Variants in SLIT2 observed in about 807,000 individuals in gnomAD.
The protein encoded by SLIT2 is slit guidance ligand 2.
Under a neutral mutation model 185.7 loss-of-function variants are expected in SLIT2, and 41 were observed. The ratio of observed to expected loss-of-function variants is 0.22; its 90% CI spans 0.17 to 0.29. The LOEUF (loss-of-function observed/expected upper bound fraction) is 0.29, where lower values mean the gene tolerates loss of function less well. Among genes scored for constraint, SLIT2 ranks in the 10% least tolerant of loss-of-function variants. The pLI, the probability that SLIT2 is intolerant of heterozygous loss-of-function variation, is 1.00. For missense variants in SLIT2, 1,571 were observed against 1,909.0 expected (o/e 0.82, Z 3.30); for synonymous variants, 693 against 680.2 (o/e 1.02, Z -0.29).
Position 20,315,061 on chromosome 4 carries a change from G to T in SLIT2, c.395+46180G>T, listed in dbSNP as rs371962721. 1.3e-3 allele frequency among the ~76,000 whole-genome samples: 190 copies of T among 151,746 alleles called. 2 individuals carry two copies. The highest frequency in any genetic ancestry group is 4.5e-3 in the African/African-American group (186 of 41,422). On this transcript the variant is annotated intron_variant, in intron 4 of 36. Transcript: ENST00000504154. Reference sequence around the variant, plus strand: ...TTATAAACATGTGATCATACCCAAGGTTCTGCATTTTTAGTCATCTATCTT... The same window carrying T: ...TTATAAACATGTGATCATACCCAAGTTTCTGCATTTTTAGTCATCTATCTT...
At chr4:20,443,280 C>A (rs936348745) in intron 4 of SLIT2, among the ~76,000 whole-genome samples, 1 of 152,116 alleles carries the variant, frequency 6.6e-6, no homozygotes, top group Admixed American at 6.5e-5. Context: ...TGTGTGCAGA[C>A]ACAAGCAGAC....
At chr4:20,550,090 T>G (rs943742399) in intron 24 of SLIT2, among the ~76,000 whole-genome samples, 1 of 152,126 alleles carries the variant, frequency 6.6e-6, no homozygotes, top group African/African-American at 2.4e-5. Context: ...CACCAACTAT[T>G]TAAGAGTACC....
In SLIT2 at chr4:20,598,318, T is replaced by C. The variant is rs1560228064; in HGVS notation, c.3615T>C (p.His1205=). 1.2e-6 allele frequency: 2 copies of C among 1,614,090 alleles called. No individual in the cohort carries two copies. The highest frequency in any genetic ancestry group is 1.7e-6 in the Non-Finnish European group (2 of 1,179,968). ...GILLYKGDKD[H]IAVELYRGRV... ...TCCTGTATAAGGGTGACAAAGACCA[T>C]ATCGCGGTAGAACTCTATCGGGGGC... The change falls in exon 33 of 37, where the codon CAT becomes CAC. Residue 1205 remains histidine, a synonymous_variant. Transcript: ENST00000504154.
chr4:20,543,219 C>G (rs1333620865), intron 21 of SLIT2, among the ~76,000 whole-genome samples: 6 of 151,990 alleles, frequency 3.9e-5, no homozygotes, highest in Non-Finnish European at 7.4e-5. Context: ...CCTTTAGATC[C>G]TAAAGGGTAT....
intron 25 of SLIT2, among the ~76,000 whole-genome samples, chr4:20,551,860 A>G (rs1723783675): frequency 1.3e-5 from 2 of 152,182 alleles, no homozygotes; most frequent in African/African-American, 4.8e-5. Context: ...AAAATTTGCC[A>G]CCCAAAAGTC....
intron 4 of SLIT2, among the ~76,000 whole-genome samples, chr4:20,455,442 A>C (rs1333794053): frequency 6.6e-6 from 1 of 152,186 alleles, no homozygotes; most frequent in Non-Finnish European, 1.5e-5. Flanking sequence ...TATTAGACCA[A>C]ATACAAAAGA....
At chr4:20,284,251 T>C (rs1267526062) in intron 4 of SLIT2, among the ~76,000 whole-genome samples, 1 of 152,222 alleles carries the variant, frequency 6.6e-6, no homozygotes, top group Admixed American at 6.5e-5. Flanking sequence ...CTTTTTAACA[T>C]AATGAATCCA....
intron 11 of SLIT2, among the ~76,000 whole-genome samples, chr4:20,518,588 T>TATATATATATATATATATA (rs1475880730): frequency 7.9e-4 from 6 of 7,604 alleles, no homozygotes; most frequent in Non-Finnish European, 1.1e-3. Flanking sequence ...TATATATATA[T>TATATATATATATATATATA]TTTTTTTTTT....
chr4:20,330,135 T>C (rs1158653643), intron 4 of SLIT2, among the ~76,000 whole-genome samples: 1 of 152,122 alleles, frequency 6.6e-6, no homozygotes, highest in Non-Finnish European at 1.5e-5. Context: ...TTTGGCAGTG[T>C]TGATTGTGCA....
intron 13 of SLIT2, 44 bp from the exon 14 acceptor site, chr4:20,523,970 C>T: frequency 1.2e-6 from 2 of 1,611,718 alleles, no homozygotes; most frequent in South Asian, 1.1e-5. Flanking sequence ...GAGCTGAGTC[C>T]ATTGCAAGTC....
chr4:20,458,156 C>A (rs1368276835), intron 4 of SLIT2, among the ~76,000 whole-genome samples: 1 of 149,348 alleles, frequency 6.7e-6, no homozygotes, highest in Non-Finnish European at 1.5e-5. Flanking sequence ...GGTCACACAA[C>A]AGTGTGAACG....
intron 12 of SLIT2, among the ~76,000 whole-genome samples, chr4:20,520,974 C>T (rs1720788452): frequency 6.6e-6 from 1 of 152,168 alleles, no homozygotes; most frequent in African/African-American, 2.4e-5. Flanking sequence ...TATTCACAGC[C>T]TAGATGTCTG....
At chr4:20,598,887 G>C (rs1186766417) in intron 33 of SLIT2, among the ~76,000 whole-genome samples, 1 of 152,100 alleles carries the variant, frequency 6.6e-6, no homozygotes, top group East Asian at 1.9e-4. Flanking sequence ...CTGCATGCCG[G>C]GAAAGAAGGA....
intron 4 of SLIT2, among the ~76,000 whole-genome samples, chr4:20,366,908 C>T (rs1379387221): frequency 1.3e-5 from 2 of 151,998 alleles, no homozygotes; most frequent in African/African-American, 4.8e-5. Flanking sequence ...AGTGATCCTC[C>T]AACCTCAGCC....
At chr4:20,441,488 CT>C in intron 4 of SLIT2, among the ~76,000 whole-genome samples, 1 of 147,000 alleles carries the variant, frequency 6.8e-6, no homozygotes, top group African/African-American at 2.6e-5. Flanking sequence ...CATCCAATCT[CT>C]CTCTCTCTCT....
chr4:20,406,637 C>A (rs1277721417), intron 4 of SLIT2, among the ~76,000 whole-genome samples: 1 of 144,304 alleles, frequency 6.9e-6, no homozygotes. Flanking sequence ...TTAAAACTTT[C>A]TTAAAAAATA....
chr4:20,393,559 G>A (rs1181133458), intron 4 of SLIT2: 1 of 151,980 alleles, frequency 6.6e-6, no homozygotes. Context: ...CCTCTTGGTT[G>A]ATTTAGAAAA....
chr4:20,498,105 G>A (rs765946809), intron 9 of SLIT2, among the ~76,000 whole-genome samples: 29 of 152,080 alleles, frequency 1.9e-4, no homozygotes, highest in African/African-American at 4.8e-5. Context: ...CCTGGGAGGC[G>A]GAGGCAGCAG....
chr4:20,332,204 A>G (rs1720118624), intron 4 of SLIT2, among the ~76,000 whole-genome samples: 1 of 152,190 alleles, frequency 6.6e-6, no homozygotes, highest in African/African-American at 2.4e-5. Flanking sequence ...GTACACACAC[A>G]TACACACACA....
Sources: allele counts gnomAD v4.1 joint callset (sites outside exome capture counted in the v4.1 genomes callset), GRCh38; gene constraint gnomAD v4.1.1; transcripts MANE v1.5; gene names NCBI Gene and HGNC (gene_info 2026-07-23, HGNC 2026-07-21).